CCNC: variants seen among roughly 807,000 people sequenced by gnomAD.
CCNC encodes cyclin C, also known as cyclin-C.
CCNC carries 19 observed loss-of-function variants against 50.0 expected under a neutral mutation model. The ratio of observed to expected loss-of-function variants is 0.38; its 90% confidence interval spans 0.27 to 0.56. CCNC has a LOEUF of 0.56. CCNC is among the 20% of genes least tolerant of loss of function. The pLI is 0.72. For missense variants in CCNC, 200 were observed against 327.1 expected (o/e 0.61, Z 3.00); for synonymous variants, 93 against 103.7 (o/e 0.90, Z 0.63).
intron 4 of CCNC, among the ~76,000 whole-genome samples, chr6:99,558,835 T>C (rs1802654955): frequency 6.6e-6 from 1 of 152,186 alleles, no homozygotes; most frequent in South Asian, 2.1e-4. Flanking sequence ...TTGAATGTCA[T>C]GTTGGCCCTC....
intron 1 of CCNC, 58 bp from the exon 2 acceptor site, chr6:99,563,006 T>C (rs1474796155): frequency 5.0e-6 from 5 of 1,007,880 alleles, no homozygotes; most frequent in South Asian, 1.4e-5. Flanking sequence ...CACTCTAAGA[T>C]TGAACACATT....
In CCNC at chr6:99,544,165, A is replaced by G. The variant is rs1230965866; in HGVS notation, c.798-556T>C. The G allele has an allele frequency of 2.0e-6, 3 of 1,505,804 alleles. No individual in the cohort carries two copies. The Admixed American group carries it at 6.6e-5, about 33-fold the overall frequency. The allele number at this position is 1,505,804 out of a possible 1,614,324, so 93.3% of individuals were successfully genotyped here. A position where few individuals can be genotyped will look rare whatever the true frequency, so the allele number is the denominator to read the frequency against. On this transcript the variant is annotated intron_variant, in intron 11 of 11. Coordinates refer to ENST00000520429, the MANE Select transcript of CCNC (RefSeq NM_005190.4). ...AAATGCTGAATACTTAAAAATAACT[A>G]AAACTGAAAATACCAGTAACTTTGG... is the stretch of plus-strand genomic sequence containing the variant.
chr6:99,568,755 G>C (rs1484914842), upstream of CCNC: 3 of 1,378,024 alleles, frequency 2.2e-6, no homozygotes, highest in Admixed American at 9.2e-5. Context: ...GTTCCGGCCC[G>C]CGGTAGCGGA....
chr6:99,552,152 GA>G lies in CCNC; in HGVS notation c.347-258del, dbSNP rs1333868256. ...GATGTTTAAAAAAGAAAAAGATCAG[GA>G]AAAAAAAATCACTGGCTTTTATCAT... On this transcript the variant is annotated intron_variant, in intron 5 of 11. Transcript: ENST00000520429. Among the ~76,000 whole-genome samples the G allele has an allele frequency of 2.8e-4, 42 of 150,716 alleles. 1 individual carries two copies. In the East Asian group the frequency reaches 7.4e-3, roughly 26 times the overall value.
At chr6:99,568,695 C>T, upstream of CCNC, 1 of 1,464,650 alleles carries the variant, frequency 6.8e-7, no homozygotes, top group Non-Finnish European at 9.0e-7. Context: ...TAGTCTCCTT[C>T]ACGCCGGCCG....
intron 6 of CCNC, 58 bp from the exon 7 acceptor site, chr6:99,551,086 C>A: frequency 1.1e-6 from 1 of 869,634 alleles, no homozygotes; most frequent in East Asian, 3.4e-5. Flanking sequence ...TAGATAAGTC[C>A]ACTTAATCTA....
rs757278178 is a variant in CCNC, at chr6:99,549,431, A to C, written c.598+77T>G. On this transcript the variant is annotated intron_variant, in intron 9 of 11. Transcript: ENST00000520429. ...GGAACATAAAAACATAAAGTACAAT[A>C]GGGTGAAATTTAGTTTAGGATGACC... 9.7e-6 allele frequency: 9 copies of C among 927,762 alleles called. 1 individual carries two copies. The South Asian group carries it at 1.2e-4, about 13-fold the overall frequency. 57.5% of individuals were successfully genotyped at this position (927,762 alleles called of 1,614,324 possible).
intron 9 of CCNC, among the ~76,000 whole-genome samples, chr6:99,547,662 A>G (rs1474888444): frequency 6.6e-6 from 1 of 152,176 alleles, no homozygotes; most frequent in Non-Finnish European, 1.5e-5. Flanking sequence ...TCTACCCACT[A>G]GATGCTAGTA....
chr6:99,547,444 G>T (rs13205324), intron 9 of CCNC, among the ~76,000 whole-genome samples: 39,043 of 151,742 alleles, frequency 0.26, 5,205 homozygotes, highest in East Asian at 0.37. Flanking sequence ...CTGAAAGGGT[G>T]GGGGAGGGTC....
chr6:99,550,090 A>T, intron 8 of CCNC, 128 bp downstream of exon 8: 1 of 606,928 alleles, frequency 1.6e-6, no homozygotes, highest in Non-Finnish European at 2.8e-6. Context: ...AACAAGTGGT[A>T]TTTTGCTCAA....
At position 99,543,380 on chromosome 6, in the gene CCNC, A is replaced by AT; in HGVS notation, c.*174dup. 1 of 615,786 alleles carries AT rather than the reference A, an allele frequency of 1.6e-6. No homozygotes were observed. The highest frequency in any genetic ancestry group is 2.8e-6 in the Non-Finnish European group (1 of 359,774). 38.1% of individuals were successfully genotyped at this position (615,786 alleles called of 1,614,324 possible). On this transcript the variant is annotated 3_prime_UTR_variant, in exon 12 of 12. Coordinates refer to ENST00000520429, the MANE Select transcript of CCNC (RefSeq NM_005190.4). ...ATTTATAATCAAGAGATTTTAATCA[A>AT]TTATGTACTAGAATCATATTAAAGA...
intron 9 of CCNC, among the ~76,000 whole-genome samples, chr6:99,547,587 C>G (rs1291000786): frequency 1.3e-5 from 2 of 152,136 alleles, no homozygotes; most frequent in African/African-American, 2.4e-5. Context: ...CTACTGACAT[C>G]TTAGGTTGAA....
intron 9 of CCNC, 101 bp downstream of exon 9, chr6:99,549,407 G>T: frequency 1.3e-6 from 1 of 781,618 alleles, no homozygotes; most frequent in Non-Finnish European, 2.2e-6. Flanking sequence ...TTACTTCATG[G>T]AACATAAAAA....
chr6:99,543,600 C>T lies in CCNC; in HGVS notation c.807G>A (p.Glu269=), dbSNP rs746813396. The change falls in exon 12 of 12, where the codon GAG becomes GAA. Residue 269 remains glutamate (E), a synonymous_variant. Transcript: ENST00000520429. ...AGTTCTGACTTCCATTTGGACCCTG[C>T]TCTCCTTCACTGTTCAAATGGGGAA... ...KPKPPPNSEG[E]QGPNGSQNSS... 70 of 1,613,118 alleles carry T rather than the reference C, an allele frequency of 4.3e-5. No homozygotes were observed. Among genetic ancestry groups the T allele is most frequent in the Admixed American group, 1.8e-4 (11 of 59,982 alleles).
At chr6:99,546,019 C>T (rs548647250) in intron 10 of CCNC, among the ~76,000 whole-genome samples, 203 of 152,078 alleles carry the variant, frequency 1.3e-3, no homozygotes, top group African/African-American at 4.5e-3. Flanking sequence ...CCCAGGCTCG[C>T]GTGCAGTGGC....
chr6:99,549,527 A>G lies in CCNC; in HGVS notation c.579T>C (p.Pro193=). 1 of 1,606,372 alleles carries G rather than the reference A, an allele frequency of 6.2e-7. No homozygotes were observed. The highest frequency in any genetic ancestry group is 8.5e-7 in the Non-Finnish European group (1 of 1,173,342). The change falls in exon 9 of 12, where the codon CCT becomes CCC. Residue 193 remains proline (P), a synonymous_variant. Transcript: ENST00000520429. ...ACATACCTAAAGCTATCATGAAAGG[A>G]GGATACAGTAGGCAAAGATCCGTTC... ...TYRTDLCLLY[P]PFMIALACLH...
chr6:99,559,723 T>TC (rs1283052916), intron 4 of CCNC, among the ~76,000 whole-genome samples: 4 of 148,160 alleles, frequency 2.7e-5, no homozygotes, highest in African/African-American at 7.4e-5. Flanking sequence ...AATAATTCTT[T>TC]TTTTTTTTTT....
chr6:99,544,168 A>C (rs1308736400), intron 11 of CCNC: 1 of 1,506,388 alleles, frequency 6.6e-7, no homozygotes, highest in Admixed American at 2.2e-5. Flanking sequence ...AATAACTAAA[A>C]CTGAAAATAC....
At chr6:99,549,200 A>G (rs1237755140) in intron 9 of CCNC, 2 of 418,352 alleles carry the variant, frequency 4.8e-6, no homozygotes, top group African/African-American at 2.0e-5. Context: ...GCTACAACTA[A>G]TATTAGCTGG....
Sources: gnomAD v4.1 joint callset for allele counts (sites outside exome capture counted in the v4.1 genomes callset) on GRCh38, gnomAD v4.1.1 for gene constraint, MANE v1.5 for transcripts, NCBI Gene and HGNC (gene_info 2026-07-23, HGNC 2026-07-21) for gene names.